The following PRDM5 variants were observed in gnomAD, a reference collection of about 807,000 sequenced individuals.
PRDM5 encodes PR/SET domain 5.
In PRDM5, 56 loss-of-function variants were observed where a neutral mutation model predicts 81.2. The ratio of observed to expected loss-of-function variants is 0.69; its 90% CI spans 0.56 to 0.86. The LOEUF (loss-of-function observed/expected upper bound fraction) is 0.86. Ranked by LOEUF, PRDM5 falls within the 40% of genes least tolerant of loss-of-function variation. PRDM5 has a pLI of 0.00. For synonymous variants in PRDM5, 267 were observed against 256.4 expected, an observed-to-expected ratio of 1.04 and a Z score of -0.39; for missense variants, 697 against 770.1, an observed-to-expected ratio of 0.91 and a Z score of 1.12.
chr4:120,771,362 A>G (rs7696791), intron 13 of PRDM5, among the ~76,000 whole-genome samples: 151,232 of 152,248 alleles, frequency 0.99, 75,112 homozygotes, highest in East Asian at 1. Flanking sequence ...GGTTACTATG[A>G]TTTAATTTCA....
chr4:120,758,601 C>A (rs1745128323), intron 13 of PRDM5, among the ~76,000 whole-genome samples: 2 of 152,110 alleles, frequency 1.3e-5, no homozygotes, highest in South Asian at 4.1e-4. Context: ...TGGAGCAGAT[C>A]CTTCCCTAGC....
In PRDM5 at chr4:120,710,476, T is replaced by C. The variant is rs1326277061; in HGVS notation, c.1624-63A>G. 14 of 1,292,012 alleles carry C rather than the reference T, an allele frequency of 1.1e-5. 1 individual carries two copies. Among genetic ancestry groups the C allele is most frequent in the African/African-American group, 1.0e-4 (7 of 68,602 alleles). 80.0% of individuals were successfully genotyped at this position (1,292,012 alleles called of 1,614,324 possible). A position where few individuals can be genotyped will look rare whatever the true frequency, so the allele number is the denominator to read the frequency against. On this transcript the variant is annotated intron_variant, in intron 14 of 15. Coordinates refer to ENST00000264808, the MANE Select transcript of PRDM5 (RefSeq NM_018699.4). ...GAATGAATGAATGCAGAGTCCTCCA[T>C]ATTCAGGTGTGTGTTATGGGATCCA...
chr4:120,871,945 G>A (rs1202597937), intron 2 of PRDM5, among the ~76,000 whole-genome samples: 2 of 151,902 alleles, frequency 1.3e-5, no homozygotes, highest in Non-Finnish European at 2.9e-5. Context: ...GAGGTCAGGA[G>A]TTCGAGACCA....
intron 9 of PRDM5, 47 bp downstream of exon 9, chr4:120,799,614 T>C: frequency 1.9e-6 from 3 of 1,595,126 alleles, no homozygotes; most frequent in Non-Finnish European, 1.7e-6. Context: ...GACAATGTAA[T>C]TTTTTTGTAA....
At chr4:120,903,338 A>G (rs1561672186) in intron 2 of PRDM5, among the ~76,000 whole-genome samples, 1 of 152,210 alleles carries the variant, frequency 6.6e-6, no homozygotes, top group Non-Finnish European at 1.5e-5. Context: ...GACCAGTAAC[A>G]GGACCAGTTA....
At position 120,788,173 on chromosome 4, in the gene PRDM5, T is replaced by A. The variant is rs968122053; in HGVS notation, c.1189-3082A>T. ...AATTTTTGCAAAAACTACTTTTTTTTAAATAAAAGGAAAATTCCTAAATGC... is the reference window on the plus strand; with the variant it reads ...AATTTTTGCAAAAACTACTTTTTTTAAAATAAAAGGAAAATTCCTAAATGC... On this transcript the variant is annotated intron_variant, in intron 10 of 15. Transcript: ENST00000264808. Among the ~76,000 whole-genome samples the A allele has an allele frequency of 5.3e-5, 8 of 152,148 alleles. No homozygotes were observed. In the South Asian group the frequency reaches 8.3e-4, roughly 16 times the overall value.
intron 2 of PRDM5, among the ~76,000 whole-genome samples, chr4:120,879,006 T>A (rs1378752324): frequency 6.6e-6 from 1 of 152,154 alleles, no homozygotes; most frequent in Non-Finnish European, 1.5e-5. Context: ...AACATACTCT[T>A]ACCATGTGAT....
chr4:120,896,177 T>C (rs541596376), intron 2 of PRDM5: 1 of 152,292 alleles, frequency 6.6e-6, no homozygotes, highest in South Asian at 2.1e-4. Context: ...GAATCATTGG[T>C]GAATCAAGTG....
At chr4:120,848,423 A>C (rs1169105283) in intron 3 of PRDM5, among the ~76,000 whole-genome samples, 1 of 152,212 alleles carries the variant, frequency 6.6e-6, no homozygotes, top group Non-Finnish European at 1.5e-5. Flanking sequence ...CTGGATTCAA[A>C]TCAAACCCAG....
At chr4:120,785,336 C>T (rs1318118302) in intron 10 of PRDM5, among the ~76,000 whole-genome samples, 2 of 151,512 alleles carry the variant, frequency 1.3e-5, no homozygotes, top group African/African-American at 4.8e-5. Context: ...AAAAATATTC[C>T]TATTATCTCA....
chr4:120,816,284 G>T, intron 7 of PRDM5, 169 bp downstream of exon 7: 1 of 1,015,932 alleles, frequency 9.8e-7, no homozygotes. Context: ...TTCAACCTGA[G>T]AAAGAAATAG....
intron 2 of PRDM5, among the ~76,000 whole-genome samples, chr4:120,899,348 G>T (rs1323967787): frequency 1.3e-5 from 2 of 152,178 alleles, no homozygotes; most frequent in Non-Finnish European, 2.9e-5. Flanking sequence ...GCTGTGAAGT[G>T]AGTCTGAATT....
At position 120,816,565 on chromosome 4, in the gene PRDM5, C is replaced by T. The variant is rs766654923; in HGVS notation, c.753G>A (p.Gln251=). 1.3e-5 allele frequency: 21 copies of T among 1,614,078 alleles called. No individual in the cohort carries two copies. The highest frequency in any genetic ancestry group is 1.8e-5 in the Non-Finnish European group (21 of 1,179,994). The change falls in exon 7 of 16, where the codon CAG becomes CAA. Residue 251 remains glutamine (Q), a synonymous_variant. Coordinates refer to ENST00000264808, the MANE Select transcript of PRDM5 (RefSeq NM_018699.4). ...SSFSSASSFE[Q]HQETCRGDAR... is the part of the protein sequence containing the mutation. ...CATCCCCCCGGCAAGTCTCCTGGTG[C>T]TGCTCAAAACTACAAGACAACCAGC...
At chr4:120,767,236 C>T (rs545164325) in intron 13 of PRDM5, among the ~76,000 whole-genome samples, 45 of 152,052 alleles carry the variant, frequency 3.0e-4, no homozygotes, top group African/African-American at 9.9e-4. Context: ...GTAGAATGAC[C>T]GTTAGTCATG....
At chr4:120,874,780 T>C (rs1368905514) in intron 2 of PRDM5, among the ~76,000 whole-genome samples, 2 of 152,222 alleles carry the variant, frequency 1.3e-5, no homozygotes, top group East Asian at 1.9e-4. Flanking sequence ...ACTGTGGGTA[T>C]ACTGAGGAAA....
intron 6 of PRDM5, 59 bp downstream of exon 6, chr4:120,816,773 T>C: frequency 1.3e-6 from 2 of 1,535,506 alleles, no homozygotes; most frequent in Admixed American, 1.7e-5. Flanking sequence ...CATGAAAGTA[T>C]GCATGCAAAA....
chr4:120,751,620 A>G (rs772198998), intron 14 of PRDM5, among the ~76,000 whole-genome samples: 8 of 152,254 alleles, frequency 5.3e-5, no homozygotes, highest in Non-Finnish European at 8.8e-5. Flanking sequence ...TGAAAACCAA[A>G]TATAAAGAGA....
chr4:120,787,029 A>G (rs1436107556), intron 10 of PRDM5, among the ~76,000 whole-genome samples: 6 of 152,218 alleles, frequency 3.9e-5, no homozygotes, highest in African/African-American at 1.4e-4. Context: ...CTAGCAGAGG[A>G]GAAGGACAAT....
At chr4:120,888,620 T>C (rs999323664) in intron 2 of PRDM5, among the ~76,000 whole-genome samples, 1 of 152,208 alleles carries the variant, frequency 6.6e-6, no homozygotes, top group Non-Finnish European at 1.5e-5. Flanking sequence ...TTAATATCTG[T>C]CTAGTGGAAC....
Sources: allele counts gnomAD v4.1 joint callset (sites outside exome capture counted in the v4.1 genomes callset), GRCh38; gene constraint gnomAD v4.1.1; transcripts MANE v1.5; gene names NCBI Gene and HGNC (gene_info 2026-07-23, HGNC 2026-07-21).